VASH2: variants seen among roughly 807,000 people sequenced by gnomAD.
The protein encoded by VASH2 is tubulinyl-Tyr carboxypeptidase 2.
A neutral mutation model predicts 37.2 loss-of-function variants in VASH2; 28 were observed. The ratio of observed to expected loss-of-function variants is 0.75; its 90% CI spans 0.56 to 1.03. The LOEUF (loss-of-function observed/expected upper bound fraction) is 1.03, where lower values mean the gene tolerates loss of function less well. Among genes scored for constraint, VASH2 ranks in the 50% least tolerant of loss-of-function variants. The probability of loss-of-function intolerance (pLI) is 0.00; values close to 1 mark genes in which losing one functional copy is unlikely to be tolerated. For missense variants in VASH2, 419 were observed against 459.1 expected (o/e 0.91, Z 0.80); for synonymous variants, 188 against 174.7 (o/e 1.08, Z -0.60).
At chr1:212,985,194 T>A (rs1009156934) in intron 7 of VASH2, among the ~76,000 whole-genome samples, 2 of 141,216 alleles carry the variant, frequency 1.4e-5, no homozygotes, top group African/African-American at 5.2e-5. Flanking sequence ...GCTAATTTTT[T>A]TTGCTTTTTT....
Position 212,971,869 on chromosome 1 carries a change from A to G in VASH2, c.498-711A>G, listed in dbSNP as rs556660644. On this transcript the variant is annotated intron_variant, in intron 5 of 7. Transcript: ENST00000517399. This position sits in a 1 kb window ranked among gnomAD's most constrained non-coding sequence, Gnocchi z 4.0. ...TCGTTCTTTCTGTAAGCATTAAACAAGCCCATCTGTGTACCAGGCCAGTGC... is the reference window on the plus strand; with the variant it reads ...TCGTTCTTTCTGTAAGCATTAAACAGGCCCATCTGTGTACCAGGCCAGTGC... Among the ~76,000 whole-genome samples, 1 of 152,194 alleles carries G rather than the reference A, an allele frequency of 6.6e-6. No individual in the cohort carries two copies. Among genetic ancestry groups the G allele is most frequent in the African/African-American group, 2.4e-5 (1 of 41,516 alleles).
chr1:212,965,649 G>A, intron 3 of VASH2, 73 bp from the exon 4 acceptor site: 1 of 1,354,078 alleles, frequency 7.4e-7, no homozygotes, highest in Non-Finnish European at 1.0e-6. Flanking sequence ...AAATCAGAAT[G>A]CATAGCTTTC....
At chr1:212,967,223 G>A (rs1045528048) in intron 5 of VASH2, 2 of 1,301,382 alleles carry the variant, frequency 1.5e-6, no homozygotes, top group African/African-American at 3.0e-5. Context: ...AAACTGTGAT[G>A]GCATCGACAT....
At chr1:212,968,954 T>C in intron 5 of VASH2, 1 of 985,454 alleles carries the variant, frequency 1.0e-6, no homozygotes, top group Non-Finnish European at 1.2e-6. Context: ...CACAATTTTA[T>C]ACATTTGCGC....
intron 7 of VASH2, 78 bp from the exon 8 acceptor site, chr1:212,988,434 T>C: frequency 6.9e-7 from 1 of 1,451,912 alleles, no homozygotes; most frequent in Middle Eastern, 1.7e-4. Flanking sequence ...GAAAACCGAG[T>C]AGAGGACCTT....
intron 5 of VASH2, chr1:212,969,319 A>G (rs1457101258): frequency 2.2e-6 from 1 of 461,876 alleles, no homozygotes; most frequent in Non-Finnish European, 2.8e-6. Context: ...CAGCCTCCCC[A>G]GCAGCTGGGA....
intron 2 of VASH2, among the ~76,000 whole-genome samples, chr1:212,958,607 C>T (rs1666569062): frequency 6.6e-6 from 1 of 152,212 alleles, no homozygotes; most frequent in Non-Finnish European, 1.5e-5. Flanking sequence ...CCTAGGGACA[C>T]CCCTCTGGGG....
intron 7 of VASH2, among the ~76,000 whole-genome samples, chr1:212,979,999 A>T (rs935731947): frequency 6.6e-6 from 1 of 152,170 alleles, no homozygotes; most frequent in African/African-American, 2.4e-5. Context: ...GAGGAGGGTT[A>T]GAAGTGTGGT....
At chr1:212,974,377 G>C (rs944219246) in intron 7 of VASH2, among the ~76,000 whole-genome samples, 1 of 152,166 alleles carries the variant, frequency 6.6e-6, no homozygotes, top group Non-Finnish European at 1.5e-5. Context: ...AGGAAACCTG[G>C]GGCTGGAACT....
chr1:212,963,869 C>T (rs1666756776), intron 3 of VASH2, among the ~76,000 whole-genome samples: 1 of 151,974 alleles, frequency 6.6e-6, no homozygotes, highest in South Asian at 2.1e-4. Context: ...GAATTTTTGC[C>T]AATTGAATTC....
chr1:212,961,953 T>C (rs554651573), intron 3 of VASH2, among the ~76,000 whole-genome samples: 1 of 152,332 alleles, frequency 6.6e-6, no homozygotes, highest in South Asian at 2.1e-4. Context: ...TTTCTCTTTC[T>C]CTGTTTTGCC....
In VASH2 at chr1:212,973,283, C is replaced by G. The variant is rs573272408; in HGVS notation, c.879+322C>G. On this transcript the variant is annotated intron_variant, in intron 6 of 7. Coordinates refer to ENST00000517399, the MANE Select transcript of VASH2 (RefSeq NM_001301056.2). The stretch of plus-strand genomic sequence containing the variant: ...TAGTTTGCCTGGAACTGCGGGTTTT[C>G]CCAGGACATGAGATTTTCAGTATTA... 1.2e-5 allele frequency: 12 copies of G among 978,950 alleles called. No homozygotes were observed. The African/African-American group carries it at 1.8e-4, about 15-fold the overall frequency. The allele number at this position is 978,950 out of a possible 1,614,324, so 60.6% of individuals were successfully genotyped here.
At chr1:212,985,190 T>G (rs890670738) in intron 7 of VASH2, among the ~76,000 whole-genome samples, 2 of 142,306 alleles carry the variant, frequency 1.4e-5, no homozygotes, top group African/African-American at 5.2e-5. Context: ...TCTGGCTAAT[T>G]TTTTTTGCTT....
At chr1:212,957,558 A>G (rs73084257) in intron 2 of VASH2, among the ~76,000 whole-genome samples, 6,442 of 151,642 alleles carry the variant, frequency 0.042, 353 homozygotes, top group African/African-American at 0.11. Flanking sequence ...GGGATCATTC[A>G]GGTTTCCCCA....
rs533306170 is a variant in VASH2, at chr1:212,973,982, C to G, written c.907C>G (p.Pro303Ala). ...KILKPASAHSPTQVRSRGKSL... is the reference protein window; with the variant it reads ...KILKPASAHSATQVRSRGKSL... ...CCTGAAACCTGCAAGTGCCCACTCT[C>G]CGACCCAAGTGAGAAGCCGGGGAAA... Residue 303 changes from proline to alanine, a missense_variant, in exon 7 of 8, where the codon CCG becomes GCG. By Grantham distance (27) the Pro-to-Ala change is conservative. Coordinates refer to ENST00000517399, the MANE Select transcript of VASH2 (RefSeq NM_001301056.2). The G allele has an allele frequency of 1.5e-5, 25 of 1,613,868 alleles. No individual in the cohort carries two copies. In the South Asian group the frequency reaches 2.1e-4, roughly 13 times the overall value.
intron 7 of VASH2, among the ~76,000 whole-genome samples, chr1:212,985,198 CTTTTTTT>C (rs55804989): frequency 0.21 from 20,780 of 100,568 alleles, 1,757 homozygotes; most frequent in East Asian, 0.4. Flanking sequence ...ATTTTTTTTG[CTTTTTTT>C]TTTTTTTTTT....
At chr1:212,960,409 G>A (rs752172834) in intron 2 of VASH2, among the ~76,000 whole-genome samples, 3 of 152,196 alleles carry the variant, frequency 2.0e-5, no homozygotes, top group South Asian at 4.1e-4. Context: ...GGGGAGAGTC[G>A]AGGCAAGAGG....
At chr1:212,972,398 G>T (rs139311218) in intron 5 of VASH2, among the ~76,000 whole-genome samples, 182 bp from the exon 6 acceptor site, 1 of 152,320 alleles carries the variant, frequency 6.6e-6, no homozygotes, top group East Asian at 1.9e-4. Flanking sequence ...ACAGCATATA[G>T]TAGATAGTCA....
chr1:212,956,838 G>A lies in VASH2; in HGVS notation c.277-4328G>A, dbSNP rs113962328. ...TTCTTCTTTTGTGAATTGTCTTTTC[G>A]TGGCTCTTAAAATTGTGGAGAGAGA... On this transcript the variant is annotated intron_variant, in intron 2 of 7. Transcript: ENST00000517399. Among the ~76,000 whole-genome samples the A allele has an allele frequency of 5.7e-4, 86 of 152,162 alleles. 1 individual carries two copies. Among genetic ancestry groups the A allele is most frequent in the Non-Finnish European group, 7.2e-4 (49 of 68,016 alleles).
Sources: gnomAD v4.1 joint callset for allele counts (sites outside exome capture counted in the v4.1 genomes callset) on GRCh38, gnomAD v4.1.1 for gene constraint, Gnocchi (gnomAD v3.1) non-coding constraint, MANE v1.5 for transcripts, NCBI Gene and HGNC (gene_info 2026-07-23, HGNC 2026-07-21) for gene names.